Variants in KL observed in about 807,000 individuals in gnomAD.
KL encodes alpha-klotho.
KL carries 62 observed loss-of-function variants against 84.2 expected under a neutral mutation model. The ratio of observed to expected loss-of-function variants is 0.74; its 90% CI spans 0.60 to 0.91. The LOEUF is 0.91. Among genes scored for constraint, KL ranks in the 40% least tolerant of loss-of-function variants. The pLI is 0.00. For missense variants in KL, 1,261 were observed against 1,305.7 expected (o/e 0.97, Z 0.53); for synonymous variants, 528 against 528.0 (o/e 1.00, Z 0.00).
rs986116436 is a variant in KL at position 33,064,580 on chromosome 13, G to A, written c.*394G>A. On this transcript the variant is annotated 3_prime_UTR_variant, in exon 5 of 5. Transcript: ENST00000380099. ...CTGGAAGTAGTAATTGCAAGAGTTCGAATAGAAAGTTATGTACCAAGTAAC... is the reference window on the plus strand; with the variant it reads ...CTGGAAGTAGTAATTGCAAGAGTTCAAATAGAAAGTTATGTACCAAGTAAC... The A allele has an allele frequency of 2.9e-5, 8 of 274,904 alleles. No individual in the cohort carries two copies. In the East Asian group the frequency reaches 3.4e-4, roughly 12 times the overall value. 17.0% of individuals were successfully genotyped at this position (274,904 alleles called of 1,614,324 possible).
Position 33,021,529 on chromosome 13 carries a change from T to C in KL, c.819+4270T>C, listed in dbSNP as rs1356044934. ...ATGAGCGATTTGTCTACTGTATATATGCTCAAATTACATATACTATGCACT... is the reference window on the plus strand; with the variant it reads ...ATGAGCGATTTGTCTACTGTATATACGCTCAAATTACATATACTATGCACT... On this transcript the variant is annotated intron_variant, in intron 1 of 4. Transcript: ENST00000380099. 2.0e-5 allele frequency among the ~76,000 whole-genome samples: 3 copies of C among 152,224 alleles called. No individual in the cohort carries two copies. The East Asian group carries it at 5.8e-4, about 29-fold the overall frequency.
chr13:33,029,738 A>G (rs1870905655), intron 1 of KL, among the ~76,000 whole-genome samples: 1 of 152,064 alleles, frequency 6.6e-6, no homozygotes, highest in South Asian at 2.1e-4. Flanking sequence ...GGTTCACGCC[A>G]TTCTCCTGCC....
intron 3 of KL, 40 bp from the exon 4 acceptor site, chr13:33,060,639 A>T: frequency 6.2e-7 from 1 of 1,613,438 alleles, no homozygotes; most frequent in Non-Finnish European, 8.5e-7. Context: ...CTTCCTCAGG[A>T]CTGCCCAGGT....
chr13:33,044,201 C>T (rs779858040), intron 1 of KL, among the ~76,000 whole-genome samples: 16 of 152,152 alleles, frequency 1.1e-4, no homozygotes, highest in Non-Finnish European at 2.2e-4. Context: ...ATCCTTATGC[C>T]AATATCACCC....
chr13:33,061,560 C>G lies in KL; in HGVS notation c.2481C>G (p.Tyr827Ter). Residue 827 changes from tyrosine to a stop codon, truncating the protein, a stop_gained, in exon 4 of 5, where the codon TAC becomes TAG. Coordinates refer to ENST00000380099, the MANE Select transcript of KL (RefSeq NM_004795.4). LOFTEE classifies it high-confidence loss of function. ...AAGATCCAATAAAATACAATGATTA[C>G]CTAGAAGTGCAAGAAATGACCGACA... The part of the protein sequence containing the change: ...EKEDPIKYND[Y>*]LEVQEMTDIT... 6.2e-7 allele frequency: 1 copy of G among 1,614,186 alleles called. No individual in the cohort carries two copies. The highest frequency in any genetic ancestry group is 8.5e-7 in the Non-Finnish European group (1 of 1,180,032).
chr13:33,023,900 G>A lies in KL; in HGVS notation c.819+6641G>A, dbSNP rs76511260. Among the ~76,000 whole-genome samples, 33 of 152,252 alleles carry A rather than the reference G, an allele frequency of 2.2e-4. No individual in the cohort carries two copies. The East Asian group carries it at 6.4e-3, about 29-fold the overall frequency. The stretch of plus-strand genomic sequence containing the variant: ...TCAGAAGGAATTTGGAAAATCCCAG[G>A]TTACACTTCTCTCCAGGACGAACTC... On this transcript the variant is annotated intron_variant, in intron 1 of 4. Coordinates refer to ENST00000380099, the MANE Select transcript of KL (RefSeq NM_004795.4).
intron 1 of KL, among the ~76,000 whole-genome samples, chr13:33,033,844 GT>G (rs777957232): frequency 6.6e-6 from 1 of 151,166 alleles, no homozygotes; most frequent in African/African-American, 2.5e-5. Flanking sequence ...TATTGGGCTT[GT>G]TTTTTTAGCT....
intron 1 of KL, among the ~76,000 whole-genome samples, chr13:33,017,566 G>C (rs993794593): frequency 2.0e-5 from 3 of 152,194 alleles, no homozygotes; most frequent in African/African-American, 7.2e-5. Flanking sequence ...CTAGAGGTGA[G>C]GGCGGGGAGG....
intron 3 of KL, among the ~76,000 whole-genome samples, chr13:33,059,778 C>T (rs554534708): frequency 1.3e-5 from 2 of 151,950 alleles, no homozygotes; most frequent in South Asian, 2.1e-4. Context: ...GCCTCTCTCT[C>T]GGACTTTCTA....
At chr13:33,033,039 C>T (rs1237763285) in intron 1 of KL, among the ~76,000 whole-genome samples, 4 of 152,048 alleles carry the variant, frequency 2.6e-5, no homozygotes, top group Admixed American at 2.6e-4. Flanking sequence ...CGATGCCCAG[C>T]ATAATAATTT....
intron 1 of KL, among the ~76,000 whole-genome samples, chr13:33,018,818 T>TC (rs1870466870): frequency 5.3e-5 from 8 of 152,238 alleles, no homozygotes; most frequent in African/African-American, 1.7e-4. Context: ...CTACAAGTTC[T>TC]ATTTTTAGAG....
chr13:33,040,118 A>T (rs1871285499), intron 1 of KL, among the ~76,000 whole-genome samples: 1 of 152,298 alleles, frequency 6.6e-6, no homozygotes, highest in Non-Finnish European at 1.5e-5. Context: ...TTTTTTGTGG[A>T]TAAAGTTGTA....
At chr13:33,025,195 G>T (rs1870724673) in intron 1 of KL, among the ~76,000 whole-genome samples, 1 of 152,200 alleles carries the variant, frequency 6.6e-6, no homozygotes, top group African/African-American at 2.4e-5. Flanking sequence ...AGAAAGGAGA[G>T]ATAGGTTAGC....
At chr13:33,035,475 T>C (rs1473129822) in intron 1 of KL, among the ~76,000 whole-genome samples, 1 of 152,224 alleles carries the variant, frequency 6.6e-6, no homozygotes, top group Non-Finnish European at 1.5e-5. Flanking sequence ...TGTGGAATTA[T>C]TGGCAATTAT....
Position 33,016,878 on chromosome 13 carries a change from C to A in KL, c.438C>A (p.His146Gln), listed in dbSNP as rs1371909499. 6.2e-7 allele frequency: 1 copy of A among 1,612,666 alleles called. No homozygotes were observed. The highest frequency in any genetic ancestry group is 1.7e-5 in the Admixed American group (1 of 60,014). The change falls in exon 1 of 5, where the codon CAC (histidine) becomes CAA (glutamine). Residue 146 changes from histidine to glutamine, a missense_variant. By Grantham distance (24) the His-to-Gln change is conservative. Transcript: ENST00000380099. ...TEALRELGVT[H>Q]YRFSISWARV... is the part of the protein sequence containing the mutation. ...CGCTGCGCGAGCTCGGGGTCACTCA[C>A]TACCGCTTCTCCATCTCGTGGGCGC...
chr13:33,025,103 G>A (rs1471258140), intron 1 of KL, among the ~76,000 whole-genome samples: 1 of 152,154 alleles, frequency 6.6e-6, no homozygotes, highest in African/African-American at 2.4e-5. Context: ...AGATTAGTAG[G>A]GGAGAGGTAA....
chr13:33,050,176 T>C (rs1566506235), intron 1 of KL, among the ~76,000 whole-genome samples: 2 of 152,216 alleles, frequency 1.3e-5, no homozygotes, highest in Admixed American at 1.3e-4. Context: ...AAAAATAGTA[T>C]TTAGATGAAT....
chr13:33,020,586 T>C (rs1349218708), intron 1 of KL, among the ~76,000 whole-genome samples: 1 of 152,184 alleles, frequency 6.6e-6, no homozygotes, highest in Non-Finnish European at 1.5e-5. Flanking sequence ...TTCTCTATTA[T>C]GATGACTTTT....
chr13:33,020,031 G>T (rs1437606113), intron 1 of KL, among the ~76,000 whole-genome samples: 2 of 152,094 alleles, frequency 1.3e-5, no homozygotes, highest in Non-Finnish European at 2.9e-5. Flanking sequence ...GGTTCTAAGA[G>T]GATTAGAATC....
Sources: allele counts gnomAD v4.1 joint callset (sites outside exome capture counted in the v4.1 genomes callset), GRCh38; gene constraint gnomAD v4.1.1; transcripts MANE v1.5; gene names NCBI Gene and HGNC (gene_info 2026-07-23, HGNC 2026-07-21).